Variants in BBS9 observed in about 807,000 individuals in gnomAD.
BBS9 encodes the protein Bardet-Biedl syndrome 9, also known as protein PTHB1.
In BBS9, 89 loss-of-function variants were observed where a neutral mutation model predicts 117.7. That is an observed-to-expected ratio of 0.76 (90% CI 0.64 to 0.90). The LOEUF (loss-of-function observed/expected upper bound fraction) is 0.90. Ranked by LOEUF, BBS9 falls within the 40% of genes least tolerant of loss-of-function variation. BBS9 has a pLI of 0.00. For missense variants in BBS9, 982 were observed against 1,042.2 expected, an observed-to-expected ratio of 0.94 and a Z score of 0.80; for synonymous variants, 379 against 370.9, an observed-to-expected ratio of 1.02 and a Z score of -0.25.
chr7:33,293,622 T>C (rs900046775), intron 9 of BBS9, among the ~76,000 whole-genome samples: 2 of 152,162 alleles, frequency 1.3e-5, no homozygotes, highest in African/African-American at 4.8e-5. Flanking sequence ...TAAGACCAAG[T>C]GCAGTATGCT....
chr7:33,493,232 T>C (rs1404929703), intron 19 of BBS9, among the ~76,000 whole-genome samples: 1 of 152,164 alleles, frequency 6.6e-6, no homozygotes, highest in Non-Finnish European at 1.5e-5. Context: ...TGACCTCAAG[T>C]GATCGCCTGC....
At chr7:33,222,560 T>C (rs1165658859) in intron 5 of BBS9, among the ~76,000 whole-genome samples, 1 of 152,094 alleles carries the variant, frequency 6.6e-6, no homozygotes, top group African/African-American at 2.4e-5. Context: ...TTGTTCCAGG[T>C]CTCCCCCGGT....
chr7:33,582,914 A>T (rs1209751818), intron 21 of BBS9, among the ~76,000 whole-genome samples: 1 of 152,130 alleles, frequency 6.6e-6, no homozygotes, highest in Non-Finnish European at 1.5e-5. Flanking sequence ...CCTGCCTGCT[A>T]CCAGAGGACC....
chr7:33,336,592 A>C lies in BBS9; in HGVS notation c.1168A>C (p.Lys390Gln), dbSNP rs1028924806. The C allele has an allele frequency of 6.2e-7, 1 of 1,611,818 alleles. No homozygotes were observed. The highest frequency in any genetic ancestry group is 8.5e-7 in the Non-Finnish European group (1 of 1,178,612). The change falls in exon 10 of 23, where the codon AAA becomes CAA. Residue 390 changes from lysine to glutamine, a missense_variant. Transcript: ENST00000242067. ...ELDVEMKELQ[K>Q]IIKDVNKSQG... ...TGATGTAGAAATGAAAGAACTTCAG[A>C]AAATCATCAAAGATGTTAACAAATC...
At chr7:33,140,129 G>A (rs937185629) in intron 1 of BBS9, among the ~76,000 whole-genome samples, 7 of 151,928 alleles carry the variant, frequency 4.6e-5, no homozygotes, top group Non-Finnish European at 8.8e-5. Context: ...GGTTCATGCC[G>A]TTCTCCTGCC....
At chr7:33,502,122 C>A (rs780237948) in intron 19 of BBS9, among the ~76,000 whole-genome samples, 13 of 152,122 alleles carry the variant, frequency 8.5e-5, no homozygotes, top group African/African-American at 3.1e-4. Flanking sequence ...GTTGGCCAGG[C>A]TGCTCTCGAA....
At chr7:33,632,656 G>T (rs1295524975) in intron 21 of BBS9, among the ~76,000 whole-genome samples, 1 of 152,034 alleles carries the variant, frequency 6.6e-6, no homozygotes, top group Non-Finnish European at 1.5e-5. Context: ...CAGCCCCGGG[G>T]ACTCCAGGTC....
chr7:33,135,341 A>G lies in BBS9; in HGVS notation c.-12+5300A>G, dbSNP rs80015286. On this transcript the variant is annotated intron_variant, in intron 1 of 22. Coordinates refer to ENST00000242067, the MANE Select transcript of BBS9 (RefSeq NM_198428.3). ...ACATTAGCTTATACTTAGATCTTTGACATATTTTGAGTTAATTTTAAAAAT... is the reference window on the plus strand; with the variant it reads ...ACATTAGCTTATACTTAGATCTTTGGCATATTTTGAGTTAATTTTAAAAAT... Among the ~76,000 whole-genome samples, 100 of 152,348 alleles carry G rather than the reference A, an allele frequency of 6.6e-4. 1 individual carries two copies. In the East Asian group the frequency reaches 8.3e-3, roughly 13 times the overall value.
chr7:33,411,996 TG>T (rs1831223726), intron 19 of BBS9, among the ~76,000 whole-genome samples: 1 of 152,144 alleles, frequency 6.6e-6, no homozygotes, highest in Non-Finnish European at 1.5e-5. Flanking sequence ...AAAAATAAAA[TG>T]GTGCTTAAGT....
intron 5 of BBS9, among the ~76,000 whole-genome samples, chr7:33,243,611 G>A (rs1050139497): frequency 2.6e-5 from 4 of 152,122 alleles, no homozygotes; most frequent in African/African-American, 9.7e-5. Context: ...GGCCTGAATA[G>A]GAACCAGTTT....
At chr7:33,346,257 A>T (rs568937421) in intron 12 of BBS9, 1 of 470,530 alleles carries the variant, frequency 2.1e-6, no homozygotes, top group Admixed American at 2.4e-5. Context: ...GCAAGTTTCC[A>T]TCATAATAAA....
At chr7:33,306,935 G>C (rs765229682) in intron 9 of BBS9, among the ~76,000 whole-genome samples, 2 of 151,980 alleles carry the variant, frequency 1.3e-5, no homozygotes, top group Non-Finnish European at 2.9e-5. Context: ...CATTCTATAA[G>C]CAATCTCTTG....
chr7:33,571,840 A>G (rs1323495961), intron 21 of BBS9, among the ~76,000 whole-genome samples: 1 of 152,078 alleles, frequency 6.6e-6, no homozygotes, highest in Non-Finnish European at 1.5e-5. Flanking sequence ...TATGTAGTAC[A>G]TGTGATATTT....
chr7:33,448,332 T>C (rs1837293579), intron 19 of BBS9, among the ~76,000 whole-genome samples: 1 of 152,172 alleles, frequency 6.6e-6, no homozygotes, highest in African/African-American at 2.4e-5. Context: ...CCAGATCGTG[T>C]CTTTTCCTGT....
intron 15 of BBS9, among the ~76,000 whole-genome samples, chr7:33,354,580 C>G (rs1819292753): frequency 6.6e-6 from 1 of 152,040 alleles, no homozygotes; most frequent in South Asian, 2.1e-4. Context: ...TAGCAGGCCC[C>G]TGGAAAGAGT....
intron 9 of BBS9, chr7:33,314,654 A>C (rs1350311108): frequency 6.6e-6 from 1 of 152,420 alleles, no homozygotes; most frequent in Non-Finnish European, 1.5e-5. Flanking sequence ...GATAAACTTC[A>C]TAAAGAGTGG....
intron 4 of BBS9, among the ~76,000 whole-genome samples, chr7:33,173,708 A>G (rs1796939223): frequency 6.6e-6 from 1 of 152,142 alleles, no homozygotes; most frequent in African/African-American, 2.4e-5. Flanking sequence ...AACATTCCAC[A>G]TTTGTAACTT....
intron 4 of BBS9, among the ~76,000 whole-genome samples, chr7:33,161,486 T>C (rs1180843137): frequency 1.3e-5 from 2 of 152,212 alleles, no homozygotes; most frequent in African/African-American, 4.8e-5. Flanking sequence ...TTCCATGGTG[T>C]ATATGGGCTA....
At chr7:33,206,327 A>G (rs1416886338) in intron 5 of BBS9, among the ~76,000 whole-genome samples, 1 of 152,216 alleles carries the variant, frequency 6.6e-6, no homozygotes, top group Non-Finnish European at 1.5e-5. Context: ...AATTTAAGCC[A>G]TTGTATTTTG....
Sources: allele counts gnomAD v4.1 joint callset (sites outside exome capture counted in the v4.1 genomes callset), GRCh38; gene constraint gnomAD v4.1.1; transcripts MANE v1.5; gene names NCBI Gene and HGNC (gene_info 2026-07-23, HGNC 2026-07-21).